RIN3: variants seen among roughly 807,000 people sequenced by gnomAD.
RIN3 encodes Ras and Rab interactor 3.
In RIN3, 54 loss-of-function variants were observed where a neutral mutation model predicts 76.3. The observed-to-expected ratio is 0.71, with a 90% CI of 0.57 to 0.89. RIN3 has a LOEUF of 0.89. RIN3 is among the 40% of genes least tolerant of loss of function. The pLI is 0.00. For missense variants in RIN3, 1,256 were observed against 1,322.1 expected (o/e 0.95, Z 0.78); for synonymous variants, 576 against 564.0 (o/e 1.02, Z -0.30).
intron 8 of RIN3, among the ~76,000 whole-genome samples, chr14:92,680,662 T>C (rs926290329): frequency 6.6e-6 from 1 of 152,146 alleles, no homozygotes; most frequent in Admixed American, 6.5e-5. Context: ...CCTTAGCACA[T>C]GGGGCAGGAT....
At chr14:92,536,159 A>G (rs940547637) in intron 1 of RIN3, among the ~76,000 whole-genome samples, 4 of 152,206 alleles carry the variant, frequency 2.6e-5, no homozygotes, top group Admixed American at 6.5e-5. Context: ...ATCCTGCAGA[A>G]CAACTAATAC....
At chr14:92,557,338 A>G (rs947142025) in intron 2 of RIN3, among the ~76,000 whole-genome samples, 4 of 152,292 alleles carry the variant, frequency 2.6e-5, no homozygotes, top group Non-Finnish European at 4.4e-5. Flanking sequence ...GGGAATCTGG[A>G]CCCAGGCAGT....
chr14:92,610,631 C>A (rs1885698411), intron 3 of RIN3, among the ~76,000 whole-genome samples: 1 of 152,130 alleles, frequency 6.6e-6, no homozygotes, highest in Non-Finnish European at 1.5e-5. Flanking sequence ...AGGGTGGAAT[C>A]CCTGGGAAAC....
At chr14:92,627,327 A>C (rs1886392430) in intron 4 of RIN3, among the ~76,000 whole-genome samples, 1 of 152,194 alleles carries the variant, frequency 6.6e-6, no homozygotes, top group African/African-American at 2.4e-5. Flanking sequence ...CACTTCCTTC[A>C]CAGGAAATTA....
Position 92,651,668 on chromosome 14 carries a change from G to C in RIN3, c.619G>C (p.Val207Leu). 1 of 1,613,938 alleles carries C rather than the reference G, an allele frequency of 6.2e-7. No individual in the cohort carries two copies. The highest frequency in any genetic ancestry group is 8.5e-7 in the Non-Finnish European group (1 of 1,179,942). The change falls in exon 6 of 10, where the codon GTC (valine) becomes CTC (leucine). Residue 207 changes from valine (V) to leucine (L), a missense_variant. Val to Leu is a conservative substitution (Grantham distance 32, BLOSUM62 1). Coordinates refer to ENST00000216487, the MANE Select transcript of RIN3 (RefSeq NM_024832.5). Reference sequence around the variant, plus strand: ...AGACCGGGCCCCCGGATTCCCCCTAGTCTCCAGCCTCAGGCCCACAGCCCA... The same window carrying C: ...AGACCGGGCCCCCGGATTCCCCCTACTCTCCAGCCTCAGGCCCACAGCCCA... The part of the protein sequence containing the change: ...PRDRAPGFPL[V>L]SSLRPTAHDA...
At chr14:92,634,534 G>C (rs1289018818) in intron 4 of RIN3, among the ~76,000 whole-genome samples, 1 of 152,068 alleles carries the variant, frequency 6.6e-6, no homozygotes, top group Admixed American at 6.5e-5. Flanking sequence ...CTCACCGAAG[G>C]CTGCATGCAC....
At chr14:92,620,295 A>G (rs1448549485) in intron 4 of RIN3, among the ~76,000 whole-genome samples, 1 of 152,240 alleles carries the variant, frequency 6.6e-6, no homozygotes, top group Non-Finnish European at 1.5e-5. Context: ...TATGCAAACA[A>G]ACACATTGCC....
intron 6 of RIN3, among the ~76,000 whole-genome samples, chr14:92,653,999 C>T (rs1213333597): frequency 6.6e-6 from 1 of 152,092 alleles, no homozygotes; most frequent in African/African-American, 2.4e-5. Context: ...GTCTGGGTGA[C>T]AGAGCGAAAC....
At chr14:92,551,608 A>G (rs1897428201) in intron 1 of RIN3, among the ~76,000 whole-genome samples, 4 of 152,114 alleles carry the variant, frequency 2.6e-5, no homozygotes, top group Admixed American at 6.5e-5. Flanking sequence ...TCTCACCACT[A>G]TGTGATGTTG....
intron 1 of RIN3, among the ~76,000 whole-genome samples, chr14:92,537,348 A>T (rs1438604533): frequency 6.6e-6 from 1 of 152,148 alleles, no homozygotes; most frequent in Non-Finnish European, 1.5e-5. Context: ...GATTCTTCTT[A>T]CAGTTGTATA....
intron 8 of RIN3, 125 bp from the exon 9 acceptor site, chr14:92,684,862 T>C: frequency 2.0e-6 from 2 of 1,012,354 alleles, no homozygotes; most frequent in Non-Finnish European, 3.0e-6. Context: ...AGCAGGTGTT[T>C]GCAGATGTGC....
At chr14:92,625,046 G>A (rs1264327895) in intron 4 of RIN3, among the ~76,000 whole-genome samples, 1 of 152,234 alleles carries the variant, frequency 6.6e-6, no homozygotes, top group Non-Finnish European at 1.5e-5. Flanking sequence ...TGCGCTAAGA[G>A]ACCTTTAGTC....
chr14:92,643,948 G>A lies in RIN3; in HGVS notation c.532+2619G>A, dbSNP rs2140133859. ...GCCTCAAAAAAAAAAAAAATTAGAA[G>A]ATCAAGTTTTAGCTCCGCTGGGAAC... is the stretch of plus-strand genomic sequence containing the variant. On this transcript the variant is annotated intron_variant, in intron 5 of 9. Transcript: ENST00000216487. The surrounding 1 kb of genome is among the most constrained non-coding windows in gnomAD (Gnocchi z 4.8). Among the ~76,000 whole-genome samples the A allele has an allele frequency of 6.6e-6, 1 of 152,156 alleles. No homozygotes were observed. The highest frequency in any genetic ancestry group is 2.1e-4 in the South Asian group (1 of 4,816).
At chr14:92,587,013 G>C (rs369899169) in intron 3 of RIN3, among the ~76,000 whole-genome samples, 1 of 152,188 alleles carries the variant, frequency 6.6e-6, no homozygotes, top group African/African-American at 2.4e-5. Context: ...AACTCTGTTG[G>C]GGGAGAGGTA....
intron 3 of RIN3, among the ~76,000 whole-genome samples, chr14:92,614,627 A>G (rs1377367725): frequency 6.6e-6 from 1 of 151,832 alleles, no homozygotes; most frequent in Non-Finnish European, 1.5e-5. Flanking sequence ...TTTCCCCCAT[A>G]CTGTTCTCCT....
chr14:92,569,913 G>T (rs948300033), intron 2 of RIN3, among the ~76,000 whole-genome samples: 14 of 152,102 alleles, frequency 9.2e-5, no homozygotes, highest in African/African-American at 3.1e-4. Flanking sequence ...TATAGGCAAG[G>T]GTCTTCTATT....
intron 1 of RIN3, among the ~76,000 whole-genome samples, chr14:92,525,497 G>A (rs930845694): frequency 1.3e-5 from 2 of 152,114 alleles, no homozygotes; most frequent in African/African-American, 2.4e-5. Flanking sequence ...TTAATATATG[G>A]TGTGTTGATG....
intron 1 of RIN3, among the ~76,000 whole-genome samples, chr14:92,552,950 G>A (rs1316006697): frequency 6.7e-6 from 1 of 149,752 alleles, no homozygotes; most frequent in Admixed American, 6.7e-5. Context: ...ACTAAGCACA[G>A]CCCGAGTGAA....
intron 2 of RIN3, among the ~76,000 whole-genome samples, chr14:92,573,757 C>A (rs991662729): frequency 2.0e-5 from 3 of 152,252 alleles, no homozygotes; most frequent in Non-Finnish European, 4.4e-5. Context: ...CCCTCACACA[C>A]TGCTGGTTCC....
Sources: gnomAD v4.1 joint callset for allele counts (sites outside exome capture counted in the v4.1 genomes callset) on GRCh38, gnomAD v4.1.1 for gene constraint, Gnocchi (gnomAD v3.1) non-coding constraint, MANE v1.5 for transcripts, NCBI Gene and HGNC (gene_info 2026-07-23, HGNC 2026-07-21) for gene names.